SLC2A13: variants seen among roughly 807,000 people sequenced by gnomAD.
SLC2A13 encodes the protein proton myo-inositol cotransporter.
Under a neutral mutation model 64.4 loss-of-function variants are expected in SLC2A13, and 32 were observed. That is an observed-to-expected ratio of 0.50 (90% confidence interval 0.37 to 0.67). SLC2A13 has a LOEUF of 0.67. Ranked by LOEUF, SLC2A13 falls within the 30% of genes least tolerant of loss-of-function variation. The pLI is 0.00. For synonymous variants in SLC2A13, 338 were observed against 327.1 expected, an observed-to-expected ratio of 1.03 and a Z score of -0.36; for missense variants, 743 against 829.2, an observed-to-expected ratio of 0.90 and a Z score of 1.28.
chr12:39,815,194 A>G (rs566899601), intron 7 of SLC2A13, among the ~76,000 whole-genome samples: 122 of 152,300 alleles, frequency 8.0e-4, no homozygotes, highest in Middle Eastern at 3.4e-3. Flanking sequence ...TAAGCTTCCC[A>G]TTGATTTTAG....
intron 3 of SLC2A13, among the ~76,000 whole-genome samples, chr12:40,014,068 A>G (rs1252067752): frequency 1.3e-5 from 2 of 152,222 alleles, no homozygotes; most frequent in African/African-American, 4.8e-5. Flanking sequence ...TATCTAGTAC[A>G]TTATAAAAGT....
chr12:40,086,560 C>G (rs1300697118), intron 1 of SLC2A13, among the ~76,000 whole-genome samples: 1 of 152,086 alleles, frequency 6.6e-6, no homozygotes, highest in Admixed American at 6.6e-5. Context: ...AATATTTTCC[C>G]CCATTGGTTA....
In SLC2A13 at chr12:39,784,081, C is replaced by T. The variant is rs1941096118; in HGVS notation, c.1446-19223G>A. 1.3e-5 allele frequency among the ~76,000 whole-genome samples: 2 copies of T among 152,132 alleles called. 1 individual carries two copies. Among genetic ancestry groups the T allele is most frequent in the South Asian group, 4.1e-4 (2 of 4,826 alleles). ...CTGCTCAACGAAATAAAAGAGGACA[C>T]AAACAAATGGAGAACATTCCATGCT... On this transcript the variant is annotated intron_variant, in intron 7 of 9. Coordinates refer to ENST00000280871, the MANE Select transcript of SLC2A13 (RefSeq NM_052885.4).
At chr12:40,005,020 C>G (rs1435593751) in intron 3 of SLC2A13, among the ~76,000 whole-genome samples, 1 of 152,118 alleles carries the variant, frequency 6.6e-6, no homozygotes, top group African/African-American at 2.4e-5. Flanking sequence ...GAAAATCCAC[C>G]TGTAAGTTCA....
At chr12:39,895,772 A>G (rs1231260115) in intron 4 of SLC2A13, among the ~76,000 whole-genome samples, 9 of 77,370 alleles carry the variant, frequency 1.2e-4, no homozygotes, top group East Asian at 3.7e-4. Context: ...ACACACATGT[A>G]TATGCGTGTA....
intron 6 of SLC2A13, among the ~76,000 whole-genome samples, chr12:39,852,227 T>C (rs189261455): frequency 2.1e-4 from 32 of 152,288 alleles, no homozygotes; most frequent in Non-Finnish European, 7.4e-5. Context: ...ACTGAGTCCA[T>C]AAGGGAGAAA....
chr12:39,844,181 G>T (rs1282850951), intron 6 of SLC2A13, among the ~76,000 whole-genome samples: 2 of 151,984 alleles, frequency 1.3e-5, no homozygotes, highest in Non-Finnish European at 2.9e-5. Flanking sequence ...TTAACTAGTT[G>T]TGTTACCTGA....
At chr12:40,036,202 G>A (rs1359534498) in intron 2 of SLC2A13, among the ~76,000 whole-genome samples, 1 of 152,106 alleles carries the variant, frequency 6.6e-6, no homozygotes, top group African/African-American at 2.4e-5. Context: ...AAGGAGAGCA[G>A]TTATTCCAAC....
rs1944072123 is a variant in SLC2A13, at chr12:39,872,105, A to G, written c.1035-144T>C. 6 of 619,664 alleles carry G rather than the reference A, an allele frequency of 9.7e-6. No individual in the cohort carries two copies. In the South Asian group the frequency reaches 2.5e-4, roughly 26 times the overall value. The allele number at this position is 619,664 out of a possible 1,614,324, so 38.4% of individuals were successfully genotyped here. On this transcript the variant is annotated intron_variant, in intron 4 of 9. Transcript: ENST00000280871. ...TCAAATTAACGTGGGAATTCATGCA[A>G]GCTGTTGAAAAGATCACAATATAAA...
chr12:39,851,524 A>G (rs955726351), intron 6 of SLC2A13, among the ~76,000 whole-genome samples: 3 of 152,230 alleles, frequency 2.0e-5, no homozygotes, highest in Non-Finnish European at 4.4e-5. Flanking sequence ...CCTAATGTAC[A>G]ACACCATTTC....
chr12:40,053,767 C>T (rs1948296007), intron 1 of SLC2A13, among the ~76,000 whole-genome samples: 1 of 152,180 alleles, frequency 6.6e-6, no homozygotes, highest in South Asian at 2.1e-4. Flanking sequence ...AGGATCCGTG[C>T]TCAGTCTACT....
intron 4 of SLC2A13, among the ~76,000 whole-genome samples, chr12:39,933,596 A>G (rs537032845): frequency 1.1e-4 from 16 of 152,320 alleles, no homozygotes; most frequent in South Asian, 1.0e-3. Flanking sequence ...TAGTACATCT[A>G]TGTCATTATT....
chr12:39,806,965 C>T (rs1007707460), intron 7 of SLC2A13, among the ~76,000 whole-genome samples: 2 of 152,084 alleles, frequency 1.3e-5, no homozygotes, highest in African/African-American at 4.8e-5. Flanking sequence ...AGCCAGTCCC[C>T]AAAGATTACA....
At chr12:39,953,175 C>T (rs1946261671) in intron 3 of SLC2A13, among the ~76,000 whole-genome samples, 1 of 152,014 alleles carries the variant, frequency 6.6e-6, no homozygotes, top group Non-Finnish European at 1.5e-5. Flanking sequence ...AACAGAAATA[C>T]AGAACATTAT....
intron 4 of SLC2A13, among the ~76,000 whole-genome samples, chr12:39,895,000 C>G (rs1027681469): frequency 1.3e-5 from 2 of 152,280 alleles, no homozygotes; most frequent in Admixed American, 1.3e-4. Flanking sequence ...CCAAATCATC[C>G]TGCAAGGGAA....
intron 7 of SLC2A13, among the ~76,000 whole-genome samples, chr12:39,777,920 C>A (rs1940834782): frequency 6.6e-6 from 1 of 152,204 alleles, no homozygotes; most frequent in Non-Finnish European, 1.5e-5. Flanking sequence ...GCCCTCTGTC[C>A]CTGCAGTAAG....
At chr12:39,820,425 T>A (rs1167447140) in intron 7 of SLC2A13, among the ~76,000 whole-genome samples, 2 of 152,316 alleles carry the variant, frequency 1.3e-5, no homozygotes. Flanking sequence ...CATATTCCAA[T>A]GCTAAAACAT....
chr12:39,819,131 GT>G (rs1042363635), intron 7 of SLC2A13, among the ~76,000 whole-genome samples: 1 of 152,114 alleles, frequency 6.6e-6, no homozygotes, highest in African/African-American at 2.4e-5. Flanking sequence ...GGTTGAAATT[GT>G]TTAGTAAATG....
intron 6 of SLC2A13, among the ~76,000 whole-genome samples, chr12:39,854,876 T>TTCATTGGTC (rs1259199668): frequency 6.6e-6 from 1 of 152,202 alleles, no homozygotes; most frequent in Non-Finnish European, 1.5e-5. Flanking sequence ...CTTCTCCATT[T>TTCATTGGTC]TCATTGGTCT....
Sources: allele counts gnomAD v4.1 joint callset (sites outside exome capture counted in the v4.1 genomes callset), GRCh38; gene constraint gnomAD v4.1.1; transcripts MANE v1.5; gene names NCBI Gene and HGNC (gene_info 2026-07-23, HGNC 2026-07-21).